CNKSR3: variants seen among roughly 807,000 people sequenced by gnomAD.
CNKSR3 encodes CNKSR family member 3.
CNKSR3 carries 36 observed loss-of-function variants against 67.7 expected under a neutral mutation model. The ratio of observed to expected loss-of-function variants is 0.53; its 90% confidence interval spans 0.41 to 0.70. The LOEUF is 0.70. Among genes scored for constraint, CNKSR3 ranks in the 30% least tolerant of loss-of-function variants. CNKSR3 has a pLI of 0.00. For synonymous variants in CNKSR3, 281 were observed against 271.4 expected (o/e 1.04, Z -0.35); for missense variants, 630 against 695.2 (o/e 0.91, Z 1.05).
intron 1 of CNKSR3, among the ~76,000 whole-genome samples, chr6:154,469,150 T>A (rs917469840): frequency 6.6e-6 from 1 of 152,142 alleles, no homozygotes; most frequent in Non-Finnish European, 1.5e-5. Flanking sequence ...AAAGAAAAAA[T>A]TCATTAGCAT....
chr6:154,421,565 T>C (rs903284601), intron 9 of CNKSR3, among the ~76,000 whole-genome samples: 31 of 152,200 alleles, frequency 2.0e-4, no homozygotes, highest in African/African-American at 7.5e-4. Flanking sequence ...GTGTGACCAG[T>C]GAGTGTGATC....
rs971082126 is a variant in CNKSR3, at chr6:154,392,238, T to A, written c.*14116A>T. 4 of 151,960 alleles carry A rather than the reference T, an allele frequency of 2.6e-5. No individual in the cohort carries two copies. Among genetic ancestry groups the A allele is most frequent in the African/African-American group, 9.7e-5 (4 of 41,334 alleles). 9.4% of individuals were successfully genotyped at this position (151,960 alleles called of 1,614,324 possible). ...AAAAAAAAAAGAGTGTACCATTATA[T>A]GTTGTCTTCTGATGCTTTTTCCCAC... On this transcript the variant is annotated 3_prime_UTR_variant, in exon 13 of 13. Transcript: ENST00000607772.
chr6:154,424,225 C>T (rs1304405908), intron 7 of CNKSR3, among the ~76,000 whole-genome samples: 13 of 131,942 alleles, frequency 9.9e-5, no homozygotes, highest in Admixed American at 3.1e-4. Context: ...AGCGAGACTC[C>T]GTCTCAAAAA....
chr6:154,486,095 T>C (rs1031313570), intron 1 of CNKSR3, among the ~76,000 whole-genome samples: 9 of 152,306 alleles, frequency 5.9e-5, no homozygotes, highest in Non-Finnish European at 1.3e-4. Context: ...ACAAGAGATA[T>C]GGCCTTCAAG....
At chr6:154,420,688 C>CAAAAAAAA (rs1166654953) in intron 9 of CNKSR3, among the ~76,000 whole-genome samples, 1 of 79,390 alleles carries the variant, frequency 1.3e-5, no homozygotes, top group African/African-American at 5.0e-5. Context: ...GACTCCGTCT[C>CAAAAAAAA]AAAAAAAAAA....
At chr6:154,414,767 T>C (rs1270122606) in intron 9 of CNKSR3, 1 of 520,436 alleles carries the variant, frequency 1.9e-6, no homozygotes. Context: ...TGCATAGAGC[T>C]GCAGTGAGAA....
At chr6:154,498,140 A>G (rs990166513) in intron 1 of CNKSR3, among the ~76,000 whole-genome samples, 1 of 152,376 alleles carries the variant, frequency 6.6e-6, no homozygotes, top group Middle Eastern at 3.4e-3. Flanking sequence ...GCATGGAATT[A>G]CATGTTGCAA....
intron 1 of CNKSR3, among the ~76,000 whole-genome samples, chr6:154,496,253 C>T (rs112402388): frequency 9.9e-5 from 15 of 152,046 alleles, no homozygotes; most frequent in Non-Finnish European, 1.8e-4. Flanking sequence ...AAGCCAACCC[C>T]GACAAAACTA....
chr6:154,438,889 T>C (rs748814484), intron 4 of CNKSR3, among the ~76,000 whole-genome samples: 3 of 152,214 alleles, frequency 2.0e-5, no homozygotes, highest in Non-Finnish European at 4.4e-5. Flanking sequence ...GCAGGCGCAA[T>C]GAAGACGCTC....
intron 1 of CNKSR3, among the ~76,000 whole-genome samples, chr6:154,501,502 C>T (rs1170753418): frequency 1.3e-5 from 2 of 152,154 alleles, no homozygotes. Flanking sequence ...CATGACCCCA[C>T]CACAACTTCC....
rs529399866 is a variant in CNKSR3, at chr6:154,473,596, G to A, written c.53-23338C>T. On this transcript the variant is annotated intron_variant, in intron 1 of 12. Transcript: ENST00000607772. ...TGTACAGTGAGCGCATGCATTTAGG[G>A]AGTGTCTACTCTACAGGGTAACGAG... Among the ~76,000 whole-genome samples the A allele has an allele frequency of 1.9e-3, 295 of 152,270 alleles. 1 individual carries two copies. Among genetic ancestry groups the A allele is most frequent in the African/African-American group, 6.7e-3 (279 of 41,542 alleles).
chr6:154,400,529 T>C lies in CNKSR3; in HGVS notation c.*5825A>G, dbSNP rs1468741022. On this transcript the variant is annotated 3_prime_UTR_variant, in exon 13 of 13. Transcript: ENST00000607772. ...TGAAAAACTGTGTGTGACAGTCTCC[T>C]GGCTGTGTAGCATTTTTTGTTGCTT... The C allele has an allele frequency of 6.6e-6, 1 of 152,252 alleles. No individual in the cohort carries two copies. The highest frequency in any genetic ancestry group is 1.5e-5 in the Non-Finnish European group (1 of 68,046). 9.4% of individuals were successfully genotyped at this position (152,252 alleles called of 1,614,324 possible). A position where few individuals can be genotyped will look rare whatever the true frequency, so the allele number is the denominator to read the frequency against.
intron 9 of CNKSR3, among the ~76,000 whole-genome samples, chr6:154,420,400 G>C (rs1019332528): frequency 1.3e-5 from 2 of 152,046 alleles, no homozygotes; most frequent in Non-Finnish European, 2.9e-5. Context: ...TAATAAAAAT[G>C]CATTGGTGGC....
intron 1 of CNKSR3, among the ~76,000 whole-genome samples, chr6:154,483,524 T>C (rs1786607945): frequency 6.6e-6 from 1 of 151,580 alleles, no homozygotes. Flanking sequence ...GCACTTATCC[T>C]CGAAAACCAT....
At chr6:154,428,700 T>A (rs1201897814) in intron 6 of CNKSR3, among the ~76,000 whole-genome samples, 2 of 143,104 alleles carry the variant, frequency 1.4e-5, no homozygotes, top group East Asian at 2.0e-4. Context: ...TTTTTTTTTT[T>A]AATAGAGAAA....
chr6:154,414,859 A>G, intron 9 of CNKSR3: 3 of 465,784 alleles, frequency 6.4e-6, no homozygotes, highest in Non-Finnish European at 8.9e-6. Context: ...TTGGGAGGCC[A>G]AGGTGGACAA....
In CNKSR3 at chr6:154,425,293, A is replaced by G. The variant is rs560301701; in HGVS notation, c.730-2310T>C. Among the ~76,000 whole-genome samples, 3 of 152,316 alleles carry G rather than the reference A, an allele frequency of 2.0e-5. No homozygotes were observed. The South Asian group carries it at 6.2e-4, about 32-fold the overall frequency. ...GGAAGTCCCTGTCTCTAGATGTGTA[A>G]TCTTAAAAAACATGCTCTGATGTCC... On this transcript the variant is annotated intron_variant, in intron 7 of 12. Coordinates refer to ENST00000607772, the MANE Select transcript of CNKSR3 (RefSeq NM_173515.4).
chr6:154,510,020 C>A (rs929397680), intron 1 of CNKSR3, 43 bp downstream of exon 1: 1 of 1,610,278 alleles, frequency 6.2e-7, no homozygotes. Context: ...TCCGCCCCAT[C>A]CCCGAGGCTG....
intron 7 of CNKSR3, among the ~76,000 whole-genome samples, chr6:154,423,298 T>C (rs577387589): frequency 6.6e-6 from 1 of 152,314 alleles, no homozygotes; most frequent in East Asian, 1.9e-4. Flanking sequence ...GGAGTCTCAC[T>C]CTGTCACCCA....
Sources: gnomAD v4.1 joint callset for allele counts (sites outside exome capture counted in the v4.1 genomes callset) on GRCh38, gnomAD v4.1.1 for gene constraint, MANE v1.5 for transcripts, NCBI Gene and HGNC (gene_info 2026-07-23, HGNC 2026-07-21) for gene names.